STRN: variants seen among roughly 807,000 people sequenced by gnomAD.
STRN encodes protein phosphatase 2 regulatory subunit B'''alpha.
Under a neutral mutation model 96.3 loss-of-function variants are expected in STRN, and 53 were observed. That is an observed-to-expected ratio of 0.55 (90% CI 0.44 to 0.69). The LOEUF is 0.69. Among genes scored for constraint, STRN ranks in the 30% least tolerant of loss-of-function variants. The probability of loss-of-function intolerance (pLI) is 0.00; values close to 1 mark genes in which losing one functional copy is unlikely to be tolerated. For missense variants in STRN, 987 were observed against 963.9 expected (o/e 1.02, Z -0.32); for synonymous variants, 428 against 355.9 (o/e 1.20, Z -2.28).
chr2:36,883,242 G>A (rs992376641), intron 9 of STRN, among the ~76,000 whole-genome samples: 5 of 151,870 alleles, frequency 3.3e-5, no homozygotes, highest in Admixed American at 6.5e-5. Flanking sequence ...ATCACTTGAG[G>A]TCAGGAATTC....
At chr2:36,916,839 T>G (rs1423959130) in intron 2 of STRN, among the ~76,000 whole-genome samples, 1 of 152,142 alleles carries the variant, frequency 6.6e-6, no homozygotes, top group Non-Finnish European at 1.5e-5. Context: ...ACCATCTGAT[T>G]TAACTATCTC....
chr2:36,853,948 C>T (rs1194740597), intron 15 of STRN, among the ~76,000 whole-genome samples: 1 of 152,074 alleles, frequency 6.6e-6, no homozygotes, highest in African/African-American at 2.4e-5. Flanking sequence ...TTGTTAAAAA[C>T]ATTCTTGGAA....
rs935604548 is a variant in STRN at position 36,921,973 on chromosome 2, A to G, written c.338+3132T>C. On this transcript the variant is annotated intron_variant, in intron 2 of 17. Coordinates refer to ENST00000263918, the MANE Select transcript of STRN (RefSeq NM_003162.4). ...AACATCTGAATATAGACTATATCAGATAATAGAATATCAATGTTACATTTC... is the reference window on the plus strand; with the variant it reads ...AACATCTGAATATAGACTATATCAGGTAATAGAATATCAATGTTACATTTC... 4.6e-5 allele frequency among the ~76,000 whole-genome samples: 7 copies of G among 152,214 alleles called. No homozygotes were observed. In the South Asian group the frequency reaches 1.0e-3, roughly 23 times the overall value.
chr2:36,946,404 C>A (rs1287446134), intron 1 of STRN, among the ~76,000 whole-genome samples: 1 of 152,192 alleles, frequency 6.6e-6, no homozygotes, highest in East Asian at 1.9e-4. Context: ...ATCCCACTCA[C>A]ACTAGTAATA....
chr2:36,919,635 G>A (rs1014315175), intron 2 of STRN, among the ~76,000 whole-genome samples: 4 of 152,066 alleles, frequency 2.6e-5, no homozygotes, highest in African/African-American at 4.8e-5. Context: ...TTTTAAACAC[G>A]GATATAACAG....
At chr2:36,868,396 G>C (rs1463576556) in intron 11 of STRN, among the ~76,000 whole-genome samples, 1 of 152,092 alleles carries the variant, frequency 6.6e-6, no homozygotes, top group East Asian at 1.9e-4. Context: ...AGGATAATAT[G>C]TCTATCCTTC....
rs183548271 is a variant in STRN, at chr2:36,955,605, T to G, written c.234+10625A>C. ...CTCCCCTTCTAACCCCTTCCTCAAT[T>G]TCTCTCTTGCCTCAAGCGTCCTTTC... On this transcript the variant is annotated intron_variant, in intron 1 of 17. Transcript: ENST00000263918. Among the ~76,000 whole-genome samples the G allele has an allele frequency of 7.2e-4, 110 of 152,234 alleles. 1 individual carries two copies. Among genetic ancestry groups the G allele is most frequent in the African/African-American group, 2.6e-3 (107 of 41,530 alleles).
At chr2:36,933,068 A>ACACG (rs1398932762) in intron 1 of STRN, among the ~76,000 whole-genome samples, 1 of 151,164 alleles carries the variant, frequency 6.6e-6, no homozygotes, top group Non-Finnish European at 1.5e-5. Context: ...TTACACACAC[A>ACACG]CACACACACA....
At chr2:36,899,750 A>G in intron 5 of STRN, 92 bp from the exon 6 acceptor site, 1 of 1,187,376 alleles carries the variant, frequency 8.4e-7, no homozygotes, top group Non-Finnish European at 1.2e-6. Context: ...TTCTATTTAT[A>G]TGGTAACTAT....
intron 12 of STRN, among the ~76,000 whole-genome samples, chr2:36,865,840 G>A (rs192939558): frequency 7.4e-4 from 112 of 152,202 alleles, no homozygotes; most frequent in African/African-American, 2.3e-3. Flanking sequence ...AATTACAGGT[G>A]TGAGCCACTG....
At chr2:36,928,846 G>T (rs1670492452) in intron 1 of STRN, among the ~76,000 whole-genome samples, 1 of 149,776 alleles carries the variant, frequency 6.7e-6, no homozygotes, top group Admixed American at 6.7e-5. Context: ...CTACTTGGGA[G>T]GCTGAGGCAC....
At chr2:36,938,284 G>A (rs1336609593) in intron 1 of STRN, among the ~76,000 whole-genome samples, 2 of 152,170 alleles carry the variant, frequency 1.3e-5, no homozygotes, top group South Asian at 2.1e-4. Context: ...AAATTAGCCA[G>A]GTGTGGTGAT....
chr2:36,860,897 T>A (rs1668461961), intron 13 of STRN, among the ~76,000 whole-genome samples: 1 of 152,226 alleles, frequency 6.6e-6, no homozygotes, highest in Non-Finnish European at 1.5e-5. Context: ...TTCCAATCAA[T>A]AAGACTTTAG....
At chr2:36,911,227 T>C (rs1412694922) in intron 3 of STRN, among the ~76,000 whole-genome samples, 6 of 152,206 alleles carry the variant, frequency 3.9e-5, no homozygotes, top group South Asian at 4.1e-4. Flanking sequence ...GATCCACTTC[T>C]GCCTCTCCAC....
intron 1 of STRN, among the ~76,000 whole-genome samples, chr2:36,930,678 C>CA (rs762339618): frequency 4.6e-5 from 7 of 151,798 alleles, no homozygotes; most frequent in Non-Finnish European, 1.0e-4. Flanking sequence ...AGGCCAAAAA[C>CA]AAAAAACAAA....
Position 36,966,232 on chromosome 2 carries a change from G to T in STRN, c.232C>A (p.Gln78Lys). The T allele has an allele frequency of 6.4e-7, 1 of 1,564,970 alleles. No individual in the cohort carries two copies. Among genetic ancestry groups the T allele is most frequent in the Non-Finnish European group, 8.6e-7 (1 of 1,157,802 alleles). Residue 78 changes from glutamine to lysine, a missense_variant and splice_region_variant, in exon 1 of 18, where the codon CAG becomes AAG. By Grantham distance (53) the Gln-to-Lys change is moderately conservative (BLOSUM62 1). Coordinates refer to ENST00000263918, the MANE Select transcript of STRN (RefSeq NM_003162.4). ...AQWEVERAEL[Q>K]AQIAFLQGER... Reference sequence around the variant, plus strand: ...GGCCAGGCCGGGAGGGTCTTTACCTGCAGCTCCGCCCGCTCCACCTCCCAC... The same window carrying T: ...GGCCAGGCCGGGAGGGTCTTTACCTTCAGCTCCGCCCGCTCCACCTCCCAC...
At position 36,861,269 on chromosome 2, in the gene STRN, A is replaced by G. The variant is rs983647020; in HGVS notation, c.1548-16T>C. ...CACTGGACCTCTGGGAGATTAAAAA[A>G]AATAAATCAACTGCTATTCTCAAAA... On this transcript the variant is annotated splice_polypyrimidine_tract_variant and intron_variant, in intron 12 of 17. Transcript: ENST00000263918. The G allele has an allele frequency of 6.2e-7, 1 of 1,606,424 alleles. No individual in the cohort carries two copies. The highest frequency in any genetic ancestry group is 8.5e-7 in the Non-Finnish European group (1 of 1,177,962).
chr2:36,949,968 T>C (rs371274491), intron 1 of STRN, among the ~76,000 whole-genome samples: 12 of 152,010 alleles, frequency 7.9e-5, no homozygotes, highest in South Asian at 6.2e-4. Context: ...ATTATCTGAA[T>C]AGAGATCAGA....
intron 12 of STRN, among the ~76,000 whole-genome samples, chr2:36,862,740 CTTT>C (rs201207436): frequency 2.1e-5 from 3 of 144,314 alleles, no homozygotes; most frequent in Non-Finnish European, 4.6e-5. Flanking sequence ...TGTTTTTATT[CTTT>C]TTTTTTTTTG....
Sources: gnomAD v4.1 joint callset for allele counts (sites outside exome capture counted in the v4.1 genomes callset) on GRCh38, gnomAD v4.1.1 for gene constraint, MANE v1.5 for transcripts, NCBI Gene and HGNC (gene_info 2026-07-23, HGNC 2026-07-21) for gene names.